CABIN1: variants seen among roughly 807,000 people sequenced by gnomAD.
CABIN1 encodes the protein calcineurin binding protein 1.
CABIN1 carries 133 observed loss-of-function variants against 227.7 expected under a neutral mutation model. The observed-to-expected ratio is 0.58, with a 90% CI of 0.51 to 0.67. CABIN1 has a LOEUF of 0.67. Ranked by LOEUF, CABIN1 falls within the 30% of genes least tolerant of loss-of-function variation. The pLI, the probability that CABIN1 is intolerant of heterozygous loss-of-function variation, is 0.00. For missense variants in CABIN1, 2,408 were observed against 2,852.5 expected (o/e 0.84, Z 3.55); for synonymous variants, 1,086 against 1,155.1 (o/e 0.94, Z 1.21).
rs202245703 is a variant in CABIN1, at chr22:24,051,008, C to T, written c.806+34C>T. The T allele has an allele frequency of 1.0e-4, 161 of 1,613,374 alleles. 2 individuals carry two copies. In the African/African-American group the frequency reaches 1.0e-3, roughly 10 times the overall value. ...TCTAGCGTCTCTGGGAGTGCTGGGTCGGCCAGTAGGCCCTGTTGTGGGATG... is the reference window on the plus strand; with the variant it reads ...TCTAGCGTCTCTGGGAGTGCTGGGTTGGCCAGTAGGCCCTGTTGTGGGATG... On this transcript the variant is annotated intron_variant, in intron 8 of 36. Transcript: ENST00000263119.
chr22:24,133,908 C>T (rs1449292727), intron 28 of CABIN1, among the ~76,000 whole-genome samples: 1 of 152,168 alleles, frequency 6.6e-6, no homozygotes, highest in Non-Finnish European at 1.5e-5. Flanking sequence ...TACCACTGGC[C>T]GTGAATAAGG....
At chr22:24,163,945 G>A (rs1483495502) in intron 29 of CABIN1, among the ~76,000 whole-genome samples, 1 of 152,230 alleles carries the variant, frequency 6.6e-6, no homozygotes, top group African/African-American at 2.4e-5. Context: ...GGGCACTGCT[G>A]GAGAGAGTGG....
intron 29 of CABIN1, among the ~76,000 whole-genome samples, chr22:24,154,285 G>A (rs1295348578): frequency 6.6e-6 from 1 of 152,202 alleles, no homozygotes; most frequent in East Asian, 1.9e-4. Flanking sequence ...CCTCGTGTCT[G>A]CTACAGCCCT....
At chr22:24,065,232 G>T (rs1263088764) in intron 15 of CABIN1, among the ~76,000 whole-genome samples, 1 of 150,504 alleles carries the variant, frequency 6.6e-6, no homozygotes, top group Non-Finnish European at 1.5e-5. Context: ...GGTTGGAGGG[G>T]CTCCTCACTT....
chr22:24,119,663 C>G lies in CABIN1; in HGVS notation c.4597C>G (p.Leu1533Val), dbSNP rs1238612715. The G allele has an allele frequency of 1.9e-6, 3 of 1,613,928 alleles. No homozygotes were observed. Among genetic ancestry groups the G allele is most frequent in the African/African-American group, 1.3e-5 (1 of 74,950 alleles). The change falls in exon 28 of 37, where the codon CTG becomes GTG. Residue 1533 changes from leucine to valine, a missense_variant. Around this residue, in one of 3 missense-constraint regions of CABIN1, gnomAD observed 649 missense variants for 910.3 expected, o/e 0.71. Coordinates refer to ENST00000263119, the MANE Select transcript of CABIN1 (RefSeq NM_012295.4). The part of the protein sequence containing the change: ...FPQHYKSLYR[L>V]AFLYTYSKTH... Reference sequence around the variant, plus strand: ...CCAGCACTATAAGAGTCTCTACCGTCTGGCCTTCCTCTACACCTACAGCAA... The same window carrying G: ...CCAGCACTATAAGAGTCTCTACCGTGTGGCCTTCCTCTACACCTACAGCAA...
In CABIN1 at chr22:24,032,163, T is replaced by C. The variant is rs564713215; in HGVS notation, c.-74-3281T>C. Among the ~76,000 whole-genome samples, 5 of 152,334 alleles carry C rather than the reference T, an allele frequency of 3.3e-5. No individual in the cohort carries two copies. The East Asian group carries it at 9.6e-4, about 29-fold the overall frequency. ...GTAACTCTCTATTGCCCTCTCCCTC[T>C]CTGGCAACCACCATTCTACTTTCTG... On this transcript the variant is annotated intron_variant, in intron 1 of 36. Coordinates refer to ENST00000263119, the MANE Select transcript of CABIN1 (RefSeq NM_012295.4).
At chr22:24,129,652 C>G (rs1333268476) in intron 28 of CABIN1, among the ~76,000 whole-genome samples, 2 of 152,212 alleles carry the variant, frequency 1.3e-5, no homozygotes. Flanking sequence ...TGTCCCTGCC[C>G]TTATAGGGCT....
At position 24,106,913 on chromosome 22, in the gene CABIN1, T is replaced by G. The variant is rs76601422; in HGVS notation, c.4118-6653T>G. 9.6e-3 allele frequency among the ~76,000 whole-genome samples: 1,467 copies of G among 152,338 alleles called. 30 individuals carry two copies. The highest frequency in any genetic ancestry group is 0.033 in the African/African-American group (1,378 of 41,574). ...ACTTGGTATGAAACCTTGGGTTGAC[T>G]TTTAGTATTTGAAATCAGGGTCATT... On this transcript the variant is annotated intron_variant, in intron 26 of 36. Transcript: ENST00000263119.
intron 19 of CABIN1, among the ~76,000 whole-genome samples, chr22:24,078,715 C>G (rs1384066596): frequency 2.0e-5 from 3 of 152,150 alleles, no homozygotes; most frequent in Admixed American, 6.5e-5. Context: ...GTGCCCACCC[C>G]CCTTCTGTGT....
intron 24 of CABIN1, among the ~76,000 whole-genome samples, chr22:24,092,687 AGTGTGTGTGTGTGT>A (rs3221282): frequency 1.4e-4 from 19 of 138,712 alleles, no homozygotes; most frequent in African/African-American, 3.8e-4. Flanking sequence ...TGATTATAAA[AGTGTGTGTGTGTGT>A]GTGTGTGTGT....
intron 16 of CABIN1, among the ~76,000 whole-genome samples, chr22:24,068,446 T>C (rs944129375): frequency 6.6e-6 from 1 of 152,206 alleles, no homozygotes; most frequent in Non-Finnish European, 1.5e-5. Flanking sequence ...GTGGTCTTGC[T>C]CTTATTGTCT....
chr22:24,063,060 T>A lies in CABIN1; in HGVS notation c.1798T>A (p.Ser600Thr). ...TGACCTCCTACAGCTGTCATTTGCC[T>A]CGTCCCAGCGCGACCTGTTCGAGGA... ...LGDLLQLSFASSQRDLFEDGW... is the reference protein window; with the variant it reads ...LGDLLQLSFATSQRDLFEDGW... The change falls in exon 14 of 37, where the codon TCG (serine) becomes ACG (threonine). Residue 600 changes from serine to threonine, a missense_variant. This residue lies in a region of CABIN1 where 1,045 missense variants were observed against 1,168.4 expected (regional missense o/e 0.89). Transcript: ENST00000263119. 6.2e-7 allele frequency: 1 copy of A among 1,614,186 alleles called. No individual in the cohort carries two copies. The highest frequency in any genetic ancestry group is 8.5e-7 in the Non-Finnish European group (1 of 1,180,020).
At chr22:24,042,832 G>GTGTT in intron 5 of CABIN1, 72 bp from the exon 6 acceptor site, 1 of 628,520 alleles carries the variant, frequency 1.6e-6, no homozygotes, top group Non-Finnish European at 2.8e-6. Flanking sequence ...GTGTGTGTGT[G>GTGTT]TGTGTGTGTG....
chr22:24,046,723 A>C (rs1052137680), intron 6 of CABIN1, among the ~76,000 whole-genome samples: 16 of 152,182 alleles, frequency 1.1e-4, no homozygotes, highest in Non-Finnish European at 2.1e-4. Flanking sequence ...GTAGCTGACA[A>C]GTTCCAAGAT....
In CABIN1 at chr22:24,043,156, T is replaced by A. The variant is rs1047069576; in HGVS notation, c.526+72T>A. On this transcript the variant is annotated intron_variant, in intron 6 of 36. Coordinates refer to ENST00000263119, the MANE Select transcript of CABIN1 (RefSeq NM_012295.4). ...AACAGCAGAGGAAAGGCAGTTTGGG[T>A]AAACTGAAAGCCAAAGTTAACACTG... 2.1e-5 allele frequency: 30 copies of A among 1,452,308 alleles called. No homozygotes were observed. In the African/African-American group the frequency reaches 4.2e-4, roughly 20 times the overall value. The allele number at this position is 1,452,308 out of a possible 1,614,324, so 90.0% of individuals were successfully genotyped here. A position where few individuals can be genotyped will look rare whatever the true frequency, so the allele number is the denominator to read the frequency against.
intron 1 of CABIN1, among the ~76,000 whole-genome samples, chr22:24,022,082 TA>T (rs1260433948): frequency 1.3e-5 from 2 of 152,266 alleles, no homozygotes; most frequent in African/African-American, 4.8e-5. Context: ...ATCCCTGTGC[TA>T]TTTTTTTTAA....
At chr22:24,157,368 A>G (rs1242312677) in intron 29 of CABIN1, among the ~76,000 whole-genome samples, 1 of 152,274 alleles carries the variant, frequency 6.6e-6, no homozygotes, top group East Asian at 1.9e-4. Flanking sequence ...GGGAGGCTCC[A>G]GAAGGGGCAA....
intron 19 of CABIN1, among the ~76,000 whole-genome samples, chr22:24,078,361 T>C (rs2040578401): frequency 6.6e-6 from 1 of 152,216 alleles, no homozygotes; most frequent in Non-Finnish European, 1.5e-5. Flanking sequence ...CCAGAAATGC[T>C]TGCTGAGCAC....
At chr22:24,136,725 T>TCACA (rs765709835) in intron 29 of CABIN1, among the ~76,000 whole-genome samples, 3 of 143,416 alleles carry the variant, frequency 2.1e-5, no homozygotes, top group Non-Finnish European at 4.5e-5. Flanking sequence ...AAACAATACA[T>TCACA]CACACACACA....
Sources: allele counts gnomAD v4.1 joint callset (sites outside exome capture counted in the v4.1 genomes callset), GRCh38; gene constraint gnomAD v4.1.1; regional missense constraint gnomAD v4.1.1; transcripts MANE v1.5; gene names NCBI Gene and HGNC (gene_info 2026-07-23, HGNC 2026-07-21).